Variants in MACROD2 observed in about 807,000 individuals in gnomAD.
MACROD2 encodes ADP-ribose glycohydrolase MACROD2.
A neutral mutation model predicts 70.4 loss-of-function variants in MACROD2; 36 were observed. The observed-to-expected ratio is 0.51, with a 90% confidence interval of 0.39 to 0.68. The LOEUF (loss-of-function observed/expected upper bound fraction) is 0.68. Ranked by LOEUF, MACROD2 falls within the 30% of genes least tolerant of loss-of-function variation. The pLI is 0.00. For missense variants in MACROD2, 496 were observed against 538.4 expected, an observed-to-expected ratio of 0.92 and a Z score of 0.78; for synonymous variants, 172 against 178.8, an observed-to-expected ratio of 0.96 and a Z score of 0.30.
chr20:14,950,360 G>A (rs1313955279), intron 5 of MACROD2, among the ~76,000 whole-genome samples: 1 of 152,114 alleles, frequency 6.6e-6, no homozygotes, highest in Non-Finnish European at 1.5e-5. Flanking sequence ...TCTATTGTGG[G>A]ACGTGGAAGT....
At chr20:15,145,365 T>A (rs565877007) in intron 5 of MACROD2, among the ~76,000 whole-genome samples, 1 of 151,848 alleles carries the variant, frequency 6.6e-6, no homozygotes, top group Non-Finnish European at 1.5e-5. Context: ...TGAATTACTC[T>A]ATTTTTTTTT....
At chr20:14,098,171 T>A (rs940225811) in intron 3 of MACROD2, among the ~76,000 whole-genome samples, 3 of 152,118 alleles carry the variant, frequency 2.0e-5, no homozygotes, top group Non-Finnish European at 1.5e-5. Flanking sequence ...TTTGAAAAAA[T>A]TTTTATATGA....
chr20:14,184,056 C>CA (rs2081325864), intron 3 of MACROD2, among the ~76,000 whole-genome samples: 1 of 152,018 alleles, frequency 6.6e-6, no homozygotes, highest in South Asian at 2.1e-4. Flanking sequence ...TCTCATTTGT[C>CA]AATTTTTACT....
intron 5 of MACROD2, among the ~76,000 whole-genome samples, chr20:15,089,217 A>G (rs1452440662): frequency 6.6e-6 from 1 of 152,186 alleles, no homozygotes; most frequent in African/African-American, 2.4e-5. Flanking sequence ...ACAAGGCGTA[A>G]TCCACAGATT....
At chr20:14,645,217 T>C (rs1985319714) in intron 4 of MACROD2, among the ~76,000 whole-genome samples, 1 of 152,124 alleles carries the variant, frequency 6.6e-6, no homozygotes, top group Non-Finnish European at 1.5e-5. Context: ...TTAAATTGAA[T>C]GGGTATTAAA....
At chr20:15,894,092 AGT>A in intron 10 of MACROD2, 1 of 371,306 alleles carries the variant, frequency 2.7e-6, no homozygotes, top group East Asian at 7.2e-5. Context: ...GGTTCTCAAC[AGT>A]GTGGTTGCTG....
At chr20:15,298,212 C>T (rs2077608984) in intron 6 of MACROD2, among the ~76,000 whole-genome samples, 1 of 152,164 alleles carries the variant, frequency 6.6e-6, no homozygotes, top group Non-Finnish European at 1.5e-5. Flanking sequence ...GTAAAATGAG[C>T]CTACTGAAGC....
intron 2 of MACROD2, among the ~76,000 whole-genome samples, chr20:14,032,523 T>C (rs2053257860): frequency 6.6e-6 from 1 of 152,310 alleles, no homozygotes; most frequent in Middle Eastern, 3.4e-3. Context: ...GCCTTGCTGT[T>C]ACTATTTGCA....
intron 8 of MACROD2, among the ~76,000 whole-genome samples, chr20:15,628,680 T>C (rs1166420702): frequency 6.6e-6 from 1 of 152,240 alleles, no homozygotes; most frequent in African/African-American, 2.4e-5. Flanking sequence ...GCCATTCAGC[T>C]GGCAGATGGG....
At chr20:15,216,044 A>G (rs1454909245) in intron 5 of MACROD2, among the ~76,000 whole-genome samples, 2 of 152,166 alleles carry the variant, frequency 1.3e-5, no homozygotes, top group African/African-American at 4.8e-5. Flanking sequence ...AAGGAGAAAA[A>G]TGTCCTGTCC....
At chr20:15,512,470 T>G (rs757210165) in intron 8 of MACROD2, among the ~76,000 whole-genome samples, 4 of 152,142 alleles carry the variant, frequency 2.6e-5, no homozygotes, top group Non-Finnish European at 5.9e-5. Context: ...TAATTCTTCT[T>G]TGAGTACTTA....
chr20:15,893,546 G>A (rs573706781), intron 10 of MACROD2: 8 of 364,612 alleles, frequency 2.2e-5, no homozygotes, highest in African/African-American at 8.5e-5. Flanking sequence ...TAAATGACAC[G>A]GTCTCTCTTT....
intron 5 of MACROD2, among the ~76,000 whole-genome samples, chr20:14,782,681 G>A (rs759144763): frequency 2.0e-5 from 3 of 152,040 alleles, no homozygotes; most frequent in Non-Finnish European, 4.4e-5. Context: ...CAGGGTTGGC[G>A]GAGGCCTGGT....
At chr20:14,186,989 C>T (rs911835969) in intron 3 of MACROD2, among the ~76,000 whole-genome samples, 2 of 152,100 alleles carry the variant, frequency 1.3e-5, no homozygotes, top group African/African-American at 4.8e-5. Context: ...CATTGAAAAA[C>T]TACCGGAAGG....
chr20:14,321,604 A>G (rs907035045), intron 3 of MACROD2, among the ~76,000 whole-genome samples: 5 of 152,222 alleles, frequency 3.3e-5, no homozygotes, highest in South Asian at 2.1e-4. Flanking sequence ...TTCAGCAGCA[A>G]TGAACTAATA....
intron 3 of MACROD2, among the ~76,000 whole-genome samples, chr20:14,376,863 G>A (rs946267139): frequency 6.6e-6 from 1 of 151,590 alleles, no homozygotes; most frequent in African/African-American, 2.4e-5. Flanking sequence ...TAATAGCCAT[G>A]TGATATTGGG....
intron 8 of MACROD2, among the ~76,000 whole-genome samples, chr20:15,832,171 A>AT (rs1038416791): frequency 5.3e-5 from 8 of 151,984 alleles, no homozygotes; most frequent in Admixed American, 1.3e-4. Context: ...TTGCATTTTA[A>AT]TTTTTTTTGC....
intron 5 of MACROD2, among the ~76,000 whole-genome samples, chr20:15,140,811 T>TCCCAAAACTAATTCATGCTTCAACTGCC (rs1463452778): frequency 6.6e-6 from 1 of 152,144 alleles, no homozygotes; most frequent in Non-Finnish European, 1.5e-5. Flanking sequence ...TATCACACTC[T>TCCCAAAACTAATTCATGCTTCAACTGCC]CCCAAAACTA....
intron 5 of MACROD2, among the ~76,000 whole-genome samples, chr20:15,135,520 C>A (rs1299634772): frequency 2.1e-5 from 3 of 141,330 alleles, no homozygotes; most frequent in African/African-American, 8.0e-5. Flanking sequence ...AACAACCCTT[C>A]ATGCTAAAAA....
Sources: allele counts gnomAD v4.1 joint callset (sites outside exome capture counted in the v4.1 genomes callset), GRCh38; gene constraint gnomAD v4.1.1; transcripts MANE v1.5; gene names NCBI Gene and HGNC (gene_info 2026-07-23, HGNC 2026-07-21).